The following NRXN1 variants were observed in gnomAD, a reference collection of about 807,000 sequenced individuals.
The protein encoded by NRXN1 is neurexin 1.
Under a neutral mutation model 150.9 loss-of-function variants are expected in NRXN1, and 39 were observed. That is an observed-to-expected ratio of 0.26 (90% CI 0.20 to 0.34). NRXN1 has a LOEUF of 0.34. NRXN1 is among the 10% of genes least tolerant of loss of function. The probability of loss-of-function intolerance (pLI) is 1.00; values close to 1 mark genes in which losing one functional copy is unlikely to be tolerated. For synonymous variants in NRXN1, 924 were observed against 757.0 expected (o/e 1.22, Z -3.62); for missense variants, 1,815 against 1,949.9 (o/e 0.93, Z 1.30).
intron 17 of NRXN1, among the ~76,000 whole-genome samples, chr2:50,359,082 C>T (rs764283132): frequency 2.0e-5 from 3 of 152,100 alleles, no homozygotes; most frequent in South Asian, 2.1e-4. Flanking sequence ...AGAACGACCA[C>T]GCAAAAACTC....
intron 18 of NRXN1, among the ~76,000 whole-genome samples, chr2:50,130,867 T>C (rs1355918829): frequency 1.3e-5 from 2 of 152,150 alleles, no homozygotes; most frequent in Admixed American, 6.6e-5. Flanking sequence ...CCCAAGGCAT[T>C]TGGTTGAGGA....
At chr2:50,637,282 T>G (rs1354074595) in intron 5 of NRXN1, among the ~76,000 whole-genome samples, 1 of 152,198 alleles carries the variant, frequency 6.6e-6, no homozygotes, top group Non-Finnish European at 1.5e-5. Flanking sequence ...ATTGAAAACA[T>G]CATTAATCAA....
chr2:50,517,658 A>G (rs1027256831), intron 12 of NRXN1, among the ~76,000 whole-genome samples: 1 of 152,122 alleles, frequency 6.6e-6, no homozygotes, highest in South Asian at 2.1e-4. Context: ...TTGAAAATAA[A>G]CTTCATGATG....
intron 8 of NRXN1, among the ~76,000 whole-genome samples, chr2:50,573,108 AC>A (rs1239465549): frequency 6.6e-6 from 1 of 152,130 alleles, no homozygotes; most frequent in Non-Finnish European, 1.5e-5. Flanking sequence ...GGTGGCTCAT[AC>A]CTGTAATCCT....
chr2:50,959,393 C>T (rs1217457015), intron 2 of NRXN1, among the ~76,000 whole-genome samples: 2 of 151,900 alleles, frequency 1.3e-5, no homozygotes, highest in South Asian at 2.1e-4. Flanking sequence ...ATAAAATATG[C>T]TATATTCACA....
intron 19 of NRXN1, among the ~76,000 whole-genome samples, chr2:50,061,774 T>G (rs1694571512): frequency 6.6e-6 from 1 of 152,208 alleles, no homozygotes; most frequent in Admixed American, 6.5e-5. Context: ...CTTTGATTTC[T>G]TTTTCCTCCA....
At chr2:50,416,458 T>C (rs1250846336) in intron 17 of NRXN1, among the ~76,000 whole-genome samples, 3 of 152,132 alleles carry the variant, frequency 2.0e-5, no homozygotes, top group Admixed American at 2.0e-4. Context: ...ATGCTCTATT[T>C]CACTCACCAT....
chr2:50,999,864 T>C (rs1699813246), intron 2 of NRXN1, among the ~76,000 whole-genome samples: 1 of 152,056 alleles, frequency 6.6e-6, no homozygotes, highest in Non-Finnish European at 1.5e-5. Context: ...CATCTGGTCA[T>C]ACAAAGGTTA....
Position 50,346,868 on chromosome 2 carries a change from CTG to C in NRXN1, c.3365-109900_3365-109899del. 7.2e-7 allele frequency: 1 copy of C among 1,391,256 alleles called. No homozygotes were observed. Among genetic ancestry groups the C allele is most frequent in the East Asian group, 3.0e-5 (1 of 33,668 alleles). 86.2% of individuals were successfully genotyped at this position (1,391,256 alleles called of 1,614,324 possible). A position where few individuals can be genotyped will look rare whatever the true frequency, so the allele number is the denominator to read the frequency against. On this transcript the variant is annotated intron_variant, in intron 17 of 22. Coordinates refer to ENST00000401669, the MANE Select transcript of NRXN1 (RefSeq NM_001330078.2). This position sits in a 1 kb window ranked among gnomAD's most constrained non-coding sequence, Gnocchi z 5.0. ...ATCCAAAGCAGGGCCAGGCGCCCCC[CTG>C]CGCCGCCGCCGCCGCCGCCGCCGCC... is the stretch of plus-strand genomic sequence containing the variant.
At chr2:50,766,061 A>T (rs530771900) in intron 5 of NRXN1, among the ~76,000 whole-genome samples, 1 of 152,070 alleles carries the variant, frequency 6.6e-6, no homozygotes, top group African/African-American at 2.4e-5. Flanking sequence ...GCTCTCAAAC[A>T]ATCATGAAAC....
In NRXN1 at chr2:50,346,737, C is replaced by A; in HGVS notation, c.3365-109767G>T. 6 of 1,613,970 alleles carry A rather than the reference C, an allele frequency of 3.7e-6. No homozygotes were observed. Among genetic ancestry groups the A allele is most frequent in the Non-Finnish European group, 5.1e-6 (6 of 1,179,976 alleles). On this transcript the variant is annotated intron_variant, in intron 17 of 22. Coordinates refer to ENST00000401669, the MANE Select transcript of NRXN1 (RefSeq NM_001330078.2). The surrounding 1 kb of genome is among the most constrained non-coding windows in gnomAD (Gnocchi z 5.0). ...CCGGTGACCTGTAGATTGCAATAGG[C>A]ACTGAATGATGCTTGCTGCTGCCAT... is the stretch of plus-strand genomic sequence containing the variant.
chr2:50,351,885 G>A (rs925795175), intron 17 of NRXN1, among the ~76,000 whole-genome samples: 7 of 152,064 alleles, frequency 4.6e-5, no homozygotes, highest in Admixed American at 2.0e-4. Context: ...AGAATGAAGA[G>A]CTGGAACTTC....
intron 21 of NRXN1, among the ~76,000 whole-genome samples, chr2:50,051,741 C>G (rs1207072985): frequency 6.6e-6 from 1 of 152,042 alleles, no homozygotes; most frequent in Non-Finnish European, 1.5e-5. Context: ...GCAAACAGTC[C>G]TACTAAAATG....
At chr2:49,931,701 A>G (rs1670148459) in intron 22 of NRXN1, among the ~76,000 whole-genome samples, 1 of 152,078 alleles carries the variant, frequency 6.6e-6, no homozygotes, top group Admixed American at 6.5e-5. Context: ...GAGTCTGTAT[A>G]TGTTTTTCCT....
intron 22 of NRXN1, among the ~76,000 whole-genome samples, chr2:49,924,712 G>T (rs1340959963): frequency 1.3e-5 from 2 of 152,108 alleles, no homozygotes; most frequent in Non-Finnish European, 2.9e-5. Flanking sequence ...ACAAAACCCA[G>T]ATGTAAATCC....
At chr2:50,781,266 A>C (rs1314850983) in intron 5 of NRXN1, among the ~76,000 whole-genome samples, 1 of 152,184 alleles carries the variant, frequency 6.6e-6, no homozygotes, top group East Asian at 1.9e-4. Context: ...CTTCAGAGAG[A>C]AACATTATAT....
intron 19 of NRXN1, among the ~76,000 whole-genome samples, chr2:50,063,598 G>A (rs866123345): frequency 7.3e-6 from 1 of 137,168 alleles, no homozygotes; most frequent in Middle Eastern, 3.8e-3. Context: ...ATCTAAGGCT[G>A]GCTAAATTTT....
At chr2:50,550,980 C>T (rs1667385910) in intron 9 of NRXN1, among the ~76,000 whole-genome samples, 1 of 150,890 alleles carries the variant, frequency 6.6e-6, no homozygotes, top group South Asian at 2.1e-4. Flanking sequence ...CGCGCCCAGC[C>T]TCTTCTCAGC....
chr2:49,945,766 T>C (rs1362089315), intron 21 of NRXN1, among the ~76,000 whole-genome samples: 1 of 152,224 alleles, frequency 6.6e-6, no homozygotes, highest in Non-Finnish European at 1.5e-5. Context: ...ATGTGCCACA[T>C]TTTCTATATC....
Sources: gnomAD v4.1 joint callset for allele counts (sites outside exome capture counted in the v4.1 genomes callset) on GRCh38, gnomAD v4.1.1 for gene constraint, Gnocchi (gnomAD v3.1) non-coding constraint, MANE v1.5 for transcripts, NCBI Gene and HGNC (gene_info 2026-07-23, HGNC 2026-07-21) for gene names.